Variants in NID1 observed in about 807,000 individuals in gnomAD.
NID1 encodes the protein nidogen-1.
NID1 carries 76 observed loss-of-function variants against 130.6 expected under a neutral mutation model. The ratio of observed to expected loss-of-function variants is 0.58; its 90% CI spans 0.48 to 0.70. The LOEUF (loss-of-function observed/expected upper bound fraction) is 0.70, where lower values mean the gene tolerates loss of function less well. Among genes scored for constraint, NID1 ranks in the 30% least tolerant of loss-of-function variants. The pLI is 0.00. For missense variants in NID1, 1,517 were observed against 1,664.8 expected (o/e 0.91, Z 1.54); for synonymous variants, 665 against 675.1 (o/e 0.98, Z 0.23).
intron 12 of NID1, among the ~76,000 whole-genome samples, chr1:235,997,601 CTTTTTTT>C (rs11325487): frequency 2.4e-5 from 3 of 127,602 alleles, no homozygotes. Context: ...AGTTCCATTA[CTTTTTTT>C]TTTTTTTTTT....
At chr1:235,991,436 G>A (rs1380561107) in intron 13 of NID1, among the ~76,000 whole-genome samples, 1 of 152,102 alleles carries the variant, frequency 6.6e-6, no homozygotes, top group Non-Finnish European at 1.5e-5. Context: ...TGGTTCAAGA[G>A]ATTCTTGTGC....
intron 12 of NID1, among the ~76,000 whole-genome samples, chr1:236,003,335 A>G (rs555552931): frequency 6.6e-6 from 1 of 152,314 alleles, no homozygotes; most frequent in East Asian, 1.9e-4. Flanking sequence ...CACACAAGAG[A>G]TGCTTAAGAA....
At chr1:235,993,958 C>A in intron 12 of NID1, 86 bp from the exon 13 acceptor site, 2 of 1,268,422 alleles carry the variant, frequency 1.6e-6, no homozygotes, top group Non-Finnish European at 1.1e-6. Context: ...CCCCGCAGCT[C>A]GCTCAGAACC....
chr1:236,064,771 A>G (rs1193875437), intron 1 of NID1, 84 bp downstream of exon 1: 8 of 1,334,748 alleles, frequency 6.0e-6, no homozygotes, highest in Middle Eastern at 3.8e-4. Flanking sequence ...CCCGCCTGCT[A>G]CGCCCAAGTC....
chr1:235,979,906 C>A lies in NID1; in HGVS notation c.3425G>T (p.Ser1142Ile). The change falls in exon 18 of 20, where the codon AGC (serine) becomes ATC (isoleucine). Residue 1142 changes from serine to isoleucine, a missense_variant. Physicochemically the swap from Ser to Ile is moderately radical, Grantham distance 142 (BLOSUM62 -2). Around this residue, in one of 3 missense-constraint regions of NID1, gnomAD observed 181 missense variants for 211.3 expected, o/e 0.86. Transcript: ENST00000264187. The surrounding 1 kb of genome is among the most constrained non-coding windows in gnomAD (Gnocchi z 4.6). ...GAGCCCTTCGAGAGCCTTGCGTCTG[C>A]TGGGCTGACTGGGGTTCAGGCATTC... is the stretch of plus-strand genomic sequence containing the variant. ...RAECLNPSQPSRRKALEGLQY... is the reference protein window; with the variant it reads ...RAECLNPSQPIRRKALEGLQY... The A allele has an allele frequency of 1.9e-6, 3 of 1,614,158 alleles. No homozygotes were observed. In the South Asian group the frequency reaches 3.3e-5, roughly 18 times the overall value.
chr1:236,028,541 A>G (rs1659004073), intron 7 of NID1, among the ~76,000 whole-genome samples: 1 of 152,024 alleles, frequency 6.6e-6, no homozygotes, highest in Non-Finnish European at 1.5e-5. Flanking sequence ...TATACATATC[A>G]CTGTGTATCC....
At chr1:236,013,596 G>C in intron 10 of NID1, 36 bp from the exon 11 acceptor site, 1 of 1,613,706 alleles carries the variant, frequency 6.2e-7, no homozygotes. Context: ...GTCTTAGGAA[G>C]AAAGTCCCCT....
At chr1:236,009,836 C>T (rs1658358377) in intron 12 of NID1, among the ~76,000 whole-genome samples, 1 of 152,176 alleles carries the variant, frequency 6.6e-6, no homozygotes, top group Non-Finnish European at 1.5e-5. Context: ...CTAGTGAACA[C>T]TCTCTCCAGT....
chr1:236,059,823 C>T (rs1052054226), intron 1 of NID1, among the ~76,000 whole-genome samples: 6 of 152,126 alleles, frequency 3.9e-5, no homozygotes, highest in African/African-American at 1.4e-4. Flanking sequence ...GAACAGCAGC[C>T]GGGCGTGGTG....
intron 1 of NID1, among the ~76,000 whole-genome samples, chr1:236,051,649 C>G (rs920089687): frequency 6.6e-6 from 1 of 152,216 alleles, no homozygotes. Context: ...CCCTCTGTCT[C>G]CCTTCCAGGG....
At chr1:236,012,819 A>G (rs905147899) in intron 11 of NID1, among the ~76,000 whole-genome samples, 1 of 151,436 alleles carries the variant, frequency 6.6e-6, no homozygotes, top group African/African-American at 2.5e-5. Flanking sequence ...GAAATACTCT[A>G]TGGTATAATA....
intron 15 of NID1, among the ~76,000 whole-genome samples, chr1:235,984,463 A>G (rs1448556532): frequency 2.0e-5 from 3 of 152,212 alleles, no homozygotes; most frequent in African/African-American, 4.8e-5. Context: ...TAGAATATCA[A>G]TTGTGAGGGA....
intron 1 of NID1, among the ~76,000 whole-genome samples, chr1:236,064,290 GCTCTGGA>G (rs1039866815): frequency 6.6e-6 from 1 of 152,164 alleles, no homozygotes; most frequent in African/African-American, 2.4e-5. Context: ...TGTGTTTCCC[GCTCTGGA>G]CTCTGGACTC....
At chr1:236,044,890 T>C (rs897320530) in intron 3 of NID1, among the ~76,000 whole-genome samples, 4 of 152,204 alleles carry the variant, frequency 2.6e-5, no homozygotes, top group African/African-American at 4.8e-5. Context: ...ACAGTGTTTA[T>C]AGACAAAATG....
At chr1:236,028,998 G>T (rs1165347905) in intron 7 of NID1, among the ~76,000 whole-genome samples, 2 of 152,062 alleles carry the variant, frequency 1.3e-5, no homozygotes, top group African/African-American at 4.8e-5. Context: ...CCTACATAAT[G>T]AAAGCCCATC....
At chr1:236,061,117 G>A (rs1660024976) in intron 1 of NID1, among the ~76,000 whole-genome samples, 1 of 152,158 alleles carries the variant, frequency 6.6e-6, no homozygotes, top group Non-Finnish European at 1.5e-5. Context: ...AATAAATGCA[G>A]AAAGAATGAC....
rs539476971 is a variant in NID1, at chr1:235,975,944, T to C, written c.*1923A>G. On this transcript the variant is annotated 3_prime_UTR_variant, in exon 20 of 20. Coordinates refer to ENST00000264187, the MANE Select transcript of NID1 (RefSeq NM_002508.3). ...ACAGTTAATAAGCACCTTCAGTGGT[T>C]TCCACAGTTTAAGAATTTACCATTA... The C allele has an allele frequency of 6.5e-6, 1 of 152,768 alleles. No homozygotes were observed. Among genetic ancestry groups the C allele is most frequent in the African/African-American group, 2.4e-5 (1 of 41,580 alleles). The allele number at this position is 152,768 out of a possible 1,614,324, so 9.5% of individuals were successfully genotyped here.
chr1:236,020,056 AAACAAAAAC>A (rs1034058828), intron 9 of NID1, among the ~76,000 whole-genome samples: 2 of 137,234 alleles, frequency 1.5e-5, no homozygotes, highest in African/African-American at 2.7e-5. Flanking sequence ...AAAAAAAAAA[AAACAAAAAC>A]AAACTTCTTT....
chr1:236,021,963 A>C (rs2102823474), intron 9 of NID1, among the ~76,000 whole-genome samples: 1 of 152,312 alleles, frequency 6.6e-6, no homozygotes, highest in East Asian at 1.9e-4. Flanking sequence ...TTGTGTTCAA[A>C]TACTATATTT....
Sources: allele counts gnomAD v4.1 joint callset (sites outside exome capture counted in the v4.1 genomes callset), GRCh38; gene constraint gnomAD v4.1.1; regional missense constraint gnomAD v4.1.1; non-coding constraint Gnocchi (gnomAD v3.1); transcripts MANE v1.5; gene names NCBI Gene and HGNC (gene_info 2026-07-23, HGNC 2026-07-21).